The following QRFPR variants were observed in gnomAD, a reference collection of about 807,000 sequenced individuals.
QRFPR encodes pyroglutamylated RF-amide peptide receptor.
A neutral mutation model predicts 31.3 loss-of-function variants in QRFPR; 37 were observed. That is an observed-to-expected ratio of 1.18 (90% CI 0.91 to 1.56). QRFPR has a LOEUF of 1.56. Among genes scored for constraint, QRFPR ranks in the 40% most tolerant of loss-of-function variants. The pLI is 0.00. For missense variants in QRFPR, 542 were observed against 532.5 expected, an observed-to-expected ratio of 1.02 and a Z score of -0.18; for synonymous variants, 197 against 192.0, an observed-to-expected ratio of 1.03 and a Z score of -0.22.
At chr4:121,369,810 A>C in intron 1 of QRFPR, 2 of 1,385,520 alleles carry the variant, frequency 1.4e-6, no homozygotes, top group Non-Finnish European at 2.1e-6. Flanking sequence ...GAAAAGTGAG[A>C]AGTGGTGCTT....
At chr4:121,374,804 G>GA (rs2110485749) in intron 1 of QRFPR, among the ~76,000 whole-genome samples, 1 of 152,328 alleles carries the variant, frequency 6.6e-6, no homozygotes, top group South Asian at 2.1e-4. Context: ...AAAAGTGCAT[G>GA]AATGTGTACT....
chr4:121,346,013 T>A (rs1725640098), intron 1 of QRFPR, among the ~76,000 whole-genome samples: 1 of 152,190 alleles, frequency 6.6e-6, no homozygotes, highest in Admixed American at 6.5e-5. Flanking sequence ...TAGAAAATAG[T>A]ATAATGAGGT....
At chr4:121,368,230 C>T (rs1726163695) in intron 1 of QRFPR, among the ~76,000 whole-genome samples, 1 of 149,930 alleles carries the variant, frequency 6.7e-6, no homozygotes, top group African/African-American at 2.5e-5. Flanking sequence ...CACAGACGTT[C>T]CAGGCCCTGA....
intron 1 of QRFPR, 100 bp from the exon 2 acceptor site, chr4:121,340,710 T>A: frequency 1.7e-6 from 2 of 1,161,046 alleles, no homozygotes; most frequent in Non-Finnish European, 1.2e-6. Flanking sequence ...TCTGAGCCTC[T>A]GCCAAAAAGT....
intron 1 of QRFPR, among the ~76,000 whole-genome samples, chr4:121,349,890 A>T (rs13131406): frequency 0.26 from 39,159 of 152,168 alleles, 5,722 homozygotes; most frequent in Non-Finnish European, 0.34. Context: ...AAGGCATAGC[A>T]ATCAGCATAC....
At chr4:121,345,959 A>G (rs1375642385) in intron 1 of QRFPR, among the ~76,000 whole-genome samples, 1 of 152,260 alleles carries the variant, frequency 6.6e-6, no homozygotes, top group Non-Finnish European at 1.5e-5. Flanking sequence ...AATGAAAAAA[A>G]CCTGAGTCTT....
chr4:121,337,132 T>C (rs1321409715), intron 2 of QRFPR, among the ~76,000 whole-genome samples: 2 of 152,228 alleles, frequency 1.3e-5, no homozygotes, highest in Non-Finnish European at 2.9e-5. Context: ...GCATGGCCCA[T>C]GAGGTTCTCT....
intron 1 of QRFPR, among the ~76,000 whole-genome samples, chr4:121,349,736 C>G (rs1483132146): frequency 6.6e-6 from 1 of 152,090 alleles, no homozygotes; most frequent in South Asian, 2.1e-4. Flanking sequence ...CATAGGAAAG[C>G]CAGCATTTAA....
chr4:121,343,719 T>G (rs1725590967), intron 1 of QRFPR, among the ~76,000 whole-genome samples: 1 of 152,218 alleles, frequency 6.6e-6, no homozygotes, highest in Non-Finnish European at 1.5e-5. Context: ...CCTTGTACTT[T>G]TTAACATTTT....
chr4:121,341,355 G>A (rs1579572836), intron 1 of QRFPR, among the ~76,000 whole-genome samples: 1 of 152,134 alleles, frequency 6.6e-6, no homozygotes, highest in East Asian at 1.9e-4. Context: ...CCAGCTACAA[G>A]AGGATCATAA....
intron 1 of QRFPR, among the ~76,000 whole-genome samples, chr4:121,355,378 T>C (rs149425884): frequency 6.6e-6 from 1 of 152,268 alleles, no homozygotes; most frequent in East Asian, 1.9e-4. Context: ...TAACAGTCTC[T>C]AATGATCATC....
intron 1 of QRFPR, among the ~76,000 whole-genome samples, chr4:121,341,157 A>C (rs998220183): frequency 1.3e-5 from 2 of 152,248 alleles, no homozygotes; most frequent in African/African-American, 4.8e-5. Flanking sequence ...GGTGGCCACT[A>C]GGCAAGTTTT....
chr4:121,350,982 T>C (rs1725751266), intron 1 of QRFPR, among the ~76,000 whole-genome samples: 1 of 152,192 alleles, frequency 6.6e-6, no homozygotes, highest in African/African-American at 2.4e-5. Flanking sequence ...TTTGTTCTCC[T>C]TTATTCTTGG....
At chr4:121,355,452 T>C (rs1354035882) in intron 1 of QRFPR, among the ~76,000 whole-genome samples, 3 of 152,120 alleles carry the variant, frequency 2.0e-5, no homozygotes, top group African/African-American at 4.8e-5. Flanking sequence ...TGAGTCACTC[T>C]CCTTTTTTCA....
At chr4:121,355,926 T>C (rs1292651447) in intron 1 of QRFPR, among the ~76,000 whole-genome samples, 1 of 152,298 alleles carries the variant, frequency 6.6e-6, no homozygotes, top group African/African-American at 2.4e-5. Context: ...GAGAAGATAC[T>C]TGATATAATT....
Position 121,330,439 on chromosome 4 carries a change from C to T in QRFPR, c.882G>A (p.Met294Ile). 6.2e-7 allele frequency: 1 copy of T among 1,609,584 alleles called. No homozygotes were observed. The change falls in exon 5 of 6, where the codon ATG (methionine) becomes ATA (isoleucine). Residue 294 changes from methionine (M) to isoleucine (I), a missense_variant. Physicochemically the swap from Met to Ile is conservative, Grantham distance 10. Transcript: ENST00000394427. Reference sequence around the variant, plus strand: ...ACAAGCACTCACTGTATTCAATCATCATATGGACAACATGGAATGGTGCCC... The same window carrying T: ...ACAAGCACTCACTGTATTCAATCATTATATGGACAACATGGAATGGTGCCC... ...VCWAPFHVVH[M>I]MIEYSNFEKE... is the part of the protein sequence containing the mutation.
chr4:121,328,890 G>A lies in QRFPR; in HGVS notation c.*424C>T, dbSNP rs551148490. Among the ~76,000 whole-genome samples, 10 of 152,256 alleles carry A rather than the reference G, an allele frequency of 6.6e-5. No homozygotes were observed. The East Asian group carries it at 1.7e-3, about 27-fold the overall frequency. ...CCCGCCTGAGGCTCCCAAGTAGCTG[G>A]GACTACAGGTGCCCGCCACCACGCC... On this transcript the variant is annotated 3_prime_UTR_variant, in exon 6 of 6. Coordinates refer to ENST00000394427, the MANE Select transcript of QRFPR (RefSeq NM_198179.3).
chr4:121,369,750 A>C, intron 1 of QRFPR: 1 of 1,601,670 alleles, frequency 6.2e-7, no homozygotes, highest in Non-Finnish European at 8.5e-7. Flanking sequence ...GGGCCAGGTA[A>C]GGCTGTGGAA....
In QRFPR at chr4:121,337,029, T is replaced by A. The variant is rs551358771; in HGVS notation, c.500-161A>T. On this transcript the variant is annotated intron_variant, in intron 2 of 5. Coordinates refer to ENST00000394427, the MANE Select transcript of QRFPR (RefSeq NM_198179.3). Reference sequence around the variant, plus strand: ...GTTTCATGCTTCCACTCTTTCACCATCCTCAAAACTGCTGCTGGAATAAAC... The same window carrying A: ...GTTTCATGCTTCCACTCTTTCACCAACCTCAAAACTGCTGCTGGAATAAAC... Among the ~76,000 whole-genome samples, 12 of 152,358 alleles carry A rather than the reference T, an allele frequency of 7.9e-5. No homozygotes were observed. The South Asian group carries it at 2.5e-3, about 32-fold the overall frequency.
Sources: allele counts gnomAD v4.1 joint callset (sites outside exome capture counted in the v4.1 genomes callset), GRCh38; gene constraint gnomAD v4.1.1; transcripts MANE v1.5; gene names NCBI Gene and HGNC (gene_info 2026-07-23, HGNC 2026-07-21).